The following RBFOX1 variants were observed in gnomAD, a reference collection of about 807,000 sequenced individuals.
The protein encoded by RBFOX1 is RNA binding protein fox-1 homolog 1.
In RBFOX1, 8 loss-of-function variants were observed where a neutral mutation model predicts 57.7. The observed-to-expected ratio is 0.14, with a 90% confidence interval of 0.08 to 0.25. The LOEUF (loss-of-function observed/expected upper bound fraction) is 0.25, where lower values mean the gene tolerates loss of function less well. RBFOX1 is among the 10% of genes least tolerant of loss of function. The pLI is 1.00. For missense variants in RBFOX1, 611 were observed against 548.5 expected (o/e 1.11, Z -1.14); for synonymous variants, 326 against 222.4 (o/e 1.47, Z -4.15).
chr16:7,202,412 A>G (rs2088803582), intron 4 of RBFOX1, among the ~76,000 whole-genome samples: 2 of 152,172 alleles, frequency 1.3e-5, no homozygotes, highest in African/African-American at 4.8e-5. Flanking sequence ...TGTGGAAGAC[A>G]GCATGGAGAT....
At chr16:6,799,004 G>A (rs1274889990) in intron 3 of RBFOX1, among the ~76,000 whole-genome samples, 1 of 152,042 alleles carries the variant, frequency 6.6e-6, no homozygotes, top group East Asian at 1.9e-4. Context: ...AAGAAGAATG[G>A]GTATATTTTG....
rs149919633 is a variant in RBFOX1, at chr16:5,283,265, C to T, written c.219+43160C>T. ...CAGGGGCAGGGCACTCATGGAGAAC[C>T]TCTACTAGGGCAGTGCGGAAGGGAA... On this transcript the variant is annotated intron_variant, in intron 1 of 2. Transcript: ENST00000585867. Among the ~76,000 whole-genome samples the T allele has an allele frequency of 6.2e-3, 943 of 152,312 alleles. 9 individuals carry two copies. The highest frequency in any genetic ancestry group is 0.022 in the African/African-American group (900 of 41,566).
intron 2 of RBFOX1, among the ~76,000 whole-genome samples, chr16:5,491,298 G>A (rs2042820413): frequency 1.3e-5 from 2 of 152,090 alleles, no homozygotes; most frequent in South Asian, 2.1e-4. Flanking sequence ...CCCACCTAGC[G>A]ACTCGGCAGC....
intron 1 of RBFOX1, among the ~76,000 whole-genome samples, chr16:6,060,815 C>T (rs1327729240): frequency 6.6e-6 from 1 of 152,210 alleles, no homozygotes; most frequent in Non-Finnish European, 1.5e-5. Context: ...AAGGGAACAT[C>T]TACAGGAGCA....
chr16:5,845,170 A>G (rs1407678349), intron 3 of RBFOX1, among the ~76,000 whole-genome samples: 1 of 151,454 alleles, frequency 6.6e-6, no homozygotes, highest in Non-Finnish European at 1.5e-5. Context: ...GTAACAGGAG[A>G]TGTAGGACAG....
chr16:5,494,883 C>T (rs77105386), intron 2 of RBFOX1, among the ~76,000 whole-genome samples: 2 of 152,170 alleles, frequency 1.3e-5, no homozygotes, highest in African/African-American at 2.4e-5. Context: ...CCTGTTTACT[C>T]CTTCTTTTTA....
intron 3 of RBFOX1, among the ~76,000 whole-genome samples, chr16:6,846,293 C>T (rs1312691503): frequency 6.6e-6 from 1 of 152,250 alleles, no homozygotes; most frequent in East Asian, 1.9e-4. Context: ...TCCGTGTCAT[C>T]AAGAAACATG....
At chr16:5,728,632 C>G (rs2052243017) in intron 3 of RBFOX1, among the ~76,000 whole-genome samples, 1 of 152,224 alleles carries the variant, frequency 6.6e-6, no homozygotes, top group African/African-American at 2.4e-5. Context: ...CATGTGAGCC[C>G]TCTGGGTTCC....
chr16:5,742,484 G>A (rs2052810673), intron 3 of RBFOX1, among the ~76,000 whole-genome samples: 2 of 152,144 alleles, frequency 1.3e-5, no homozygotes, highest in Admixed American at 6.6e-5. Context: ...TCTGAAGGAG[G>A]CTTCTACACT....
chr16:5,769,003 T>A (rs147198914), intron 3 of RBFOX1, among the ~76,000 whole-genome samples: 2 of 151,954 alleles, frequency 1.3e-5, no homozygotes, highest in Non-Finnish European at 2.9e-5. Flanking sequence ...TGGAGCACCA[T>A]TAGTGAGTGT....
chr16:6,021,002 G>A (rs1485213778), intron 1 of RBFOX1, among the ~76,000 whole-genome samples: 1 of 152,188 alleles, frequency 6.6e-6, no homozygotes, highest in Non-Finnish European at 1.5e-5. Context: ...CAGAGCTGGG[G>A]TGCACCTGCT....
At chr16:7,276,310 T>G (rs1318482995) in intron 4 of RBFOX1, among the ~76,000 whole-genome samples, 1 of 152,148 alleles carries the variant, frequency 6.6e-6, no homozygotes, top group Non-Finnish European at 1.5e-5. Flanking sequence ...GATGGCTCTA[T>G]AAGTTTGAGT....
rs540213392 is a variant in RBFOX1 at position 7,627,693 on chromosome 16, C to G, written c.677-2910C>G. Among the ~76,000 whole-genome samples, 27 of 152,226 alleles carry G rather than the reference C, an allele frequency of 1.8e-4. No homozygotes were observed. The East Asian group carries it at 5.2e-3, about 29-fold the overall frequency. On this transcript the variant is annotated intron_variant, in intron 10 of 15. Transcript: ENST00000550418. The stretch of plus-strand genomic sequence containing the variant: ...TACTTTTTAAAACAAACACACTTAC[C>G]TTTCCCTGCCCAAAAAAATGCATGG...
chr16:6,920,878 G>C (rs1244263075), intron 3 of RBFOX1, among the ~76,000 whole-genome samples: 2 of 152,182 alleles, frequency 1.3e-5, no homozygotes, highest in Non-Finnish European at 2.9e-5. Context: ...TTTCCAAATA[G>C]GGTCACATTC....
intron 12 of RBFOX1, among the ~76,000 whole-genome samples, chr16:7,656,503 G>T (rs7500353): frequency 0.1 from 15,622 of 152,102 alleles, 817 homozygotes; most frequent in Middle Eastern, 0.17. Flanking sequence ...TTGTGTTCAG[G>T]GAAAGCAAGT....
intron 3 of RBFOX1, among the ~76,000 whole-genome samples, chr16:6,769,842 C>G (rs1192997664): frequency 1.3e-5 from 2 of 152,190 alleles, no homozygotes; most frequent in South Asian, 2.1e-4. Context: ...CTGAGGACAA[C>G]TCACCACGAG....
intron 3 of RBFOX1, among the ~76,000 whole-genome samples, chr16:5,718,823 C>T (rs962723150): frequency 4.6e-5 from 7 of 152,056 alleles, no homozygotes; most frequent in South Asian, 2.1e-4. Context: ...GCAGGAGAAT[C>T]GCTTGAACCT....
chr16:5,491,192 G>A (rs929269200), intron 2 of RBFOX1, among the ~76,000 whole-genome samples: 5 of 152,078 alleles, frequency 3.3e-5, no homozygotes, highest in African/African-American at 4.8e-5. Flanking sequence ...AGCAATCAAC[G>A]CAAGAGTACA....
At chr16:6,897,131 C>T (rs567772655) in intron 3 of RBFOX1, among the ~76,000 whole-genome samples, 1 of 152,282 alleles carries the variant, frequency 6.6e-6, no homozygotes, top group African/African-American at 2.4e-5. Context: ...AAAACCATTG[C>T]TGACAAATAA....
Sources: gnomAD v4.1 joint callset for allele counts (sites outside exome capture counted in the v4.1 genomes callset) on GRCh38, gnomAD v4.1.1 for gene constraint, MANE v1.5 for transcripts, NCBI Gene and HGNC (gene_info 2026-07-23, HGNC 2026-07-21) for gene names.